Variants in ICE1 observed in about 807,000 individuals in gnomAD.
ICE1 encodes interactor of little elongation complex ELL subunit 1, also known as little elongation complex subunit 1.
In ICE1, 64 loss-of-function variants were observed where a neutral mutation model predicts 192.7. The ratio of observed to expected loss-of-function variants is 0.33; its 90% CI spans 0.27 to 0.41. The LOEUF is 0.41. Among genes scored for constraint, ICE1 ranks in the 10% least tolerant of loss-of-function variants. ICE1 has a pLI of 1.00. For missense variants in ICE1, 2,708 were observed against 2,696.0 expected (o/e 1.00, Z -0.10); for synonymous variants, 1,010 against 984.5 (o/e 1.03, Z -0.49).
chr5:5,480,061 C>T (rs886459590), intron 17 of ICE1, among the ~76,000 whole-genome samples: 6 of 152,082 alleles, frequency 3.9e-5, no homozygotes, highest in African/African-American at 1.4e-4. Flanking sequence ...CAAACCTGTA[C>T]GTTCTGCATG....
chr5:5,452,040 G>T (rs1219126772), intron 10 of ICE1, among the ~76,000 whole-genome samples: 2 of 151,894 alleles, frequency 1.3e-5, no homozygotes, highest in Non-Finnish European at 2.9e-5. Context: ...AATTCAGCAC[G>T]TAGTCCCAAT....
Position 5,483,443 on chromosome 5 carries a change from G to A in ICE1, c.6521-3278G>A, listed in dbSNP as rs1739560139. Among the ~76,000 whole-genome samples the A allele has an allele frequency of 2.6e-5, 4 of 152,212 alleles. No individual in the cohort carries two copies. In the South Asian group the frequency reaches 8.3e-4, roughly 31 times the overall value. On this transcript the variant is annotated intron_variant, in intron 17 of 18. Coordinates refer to ENST00000296564, the MANE Select transcript of ICE1 (RefSeq NM_015325.3). Reference sequence around the variant, plus strand: ...CTAACAGCAAATGGTCACAGGATTAGTACACGGGGTTTACTCCAACCTACC... The same window carrying A: ...CTAACAGCAAATGGTCACAGGATTAATACACGGGGTTTACTCCAACCTACC...
intron 10 of ICE1, among the ~76,000 whole-genome samples, chr5:5,452,289 T>C (rs1738446116): frequency 6.6e-6 from 1 of 151,488 alleles, no homozygotes; most frequent in Non-Finnish European, 1.5e-5. Flanking sequence ...ATGATACTAC[T>C]AATGTAGAGA....
chr5:5,463,813 A>G lies in ICE1; in HGVS notation c.4479A>G (p.Gln1493=). The G allele has an allele frequency of 6.2e-7, 1 of 1,614,014 alleles. No homozygotes were observed. The highest frequency in any genetic ancestry group is 8.5e-7 in the Non-Finnish European group (1 of 1,179,892). Residue 1493 remains glutamine (Q), a synonymous_variant, in exon 13 of 19, where the codon CAA becomes CAG. Transcript: ENST00000296564. The part of the protein sequence containing the change: ...APCGNNLSCP[Q]EDVSSSGQST... Reference sequence around the variant, plus strand: ...GTGGCAATAATCTTTCATGTCCCCAAGAGGATGTTTCAAGCAGTGGTCAGA... The same window carrying G: ...GTGGCAATAATCTTTCATGTCCCCAGGAGGATGTTTCAAGCAGTGGTCAGA...
At chr5:5,451,411 T>G (rs2111362165) in intron 10 of ICE1, among the ~76,000 whole-genome samples, 1 of 152,194 alleles carries the variant, frequency 6.6e-6, no homozygotes, top group East Asian at 1.9e-4. Context: ...AGCAATTGAT[T>G]TAGGACAATT....
chr5:5,432,897 G>T (rs1383397970), intron 1 of ICE1, among the ~76,000 whole-genome samples: 1 of 152,044 alleles, frequency 6.6e-6, no homozygotes. Flanking sequence ...CTTTCACACT[G>T]CAGGTCTGTC....
chr5:5,457,094 C>T (rs186004443), intron 11 of ICE1, among the ~76,000 whole-genome samples: 4 of 152,242 alleles, frequency 2.6e-5, no homozygotes, highest in East Asian at 1.9e-4. Flanking sequence ...ATCCACCCAC[C>T]GGTCCATCTC....
At chr5:5,428,340 A>G (rs1737591098) in intron 1 of ICE1, among the ~76,000 whole-genome samples, 1 of 152,162 alleles carries the variant, frequency 6.6e-6, no homozygotes, top group Non-Finnish European at 1.5e-5. Context: ...TTGATTTTAA[A>G]TAAGAGCAGT....
chr5:5,462,549 C>G lies in ICE1; in HGVS notation c.3215C>G (p.Ser1072Cys). 1.2e-6 allele frequency: 2 copies of G among 1,614,028 alleles called. No homozygotes were observed. Among genetic ancestry groups the G allele is most frequent in the Non-Finnish European group, 8.5e-7 (1 of 1,179,890 alleles). ...ECFGTTDTTF[S>C]SAFCRKHGET... is the part of the protein sequence containing the mutation. ...TTTGGCACCACAGACACTACTTTTT[C>G]TTCAGCATTTTGCAGAAAACATGGA... is the stretch of plus-strand genomic sequence containing the variant. Residue 1072 changes from serine (S) to cysteine (C), a missense_variant, in exon 13 of 19, where the codon TCT (serine) becomes TGT (cysteine). Transcript: ENST00000296564.
rs751689629 is a variant in ICE1, at chr5:5,489,405, A to G, written c.*75A>G. Reference sequence around the variant, plus strand: ...AAATAGTTTGATCAGCTTTCAGAATACAAAGGGAGGTTTCAAAACAAAAAG... The same window carrying G: ...AAATAGTTTGATCAGCTTTCAGAATGCAAAGGGAGGTTTCAAAACAAAAAG... On this transcript the variant is annotated 3_prime_UTR_variant, in exon 19 of 19. Transcript: ENST00000296564. The G allele has an allele frequency of 2.2e-5, 29 of 1,308,950 alleles. No homozygotes were observed. Among genetic ancestry groups the G allele is most frequent in the African/African-American group, 3.0e-5 (2 of 67,000 alleles). 81.1% of individuals were successfully genotyped at this position (1,308,950 alleles called of 1,614,324 possible).
Position 5,462,124 on chromosome 5 carries a change from C to T in ICE1, c.2790C>T (p.Ala930=). Residue 930 remains alanine (A), a synonymous_variant, in exon 13 of 19, where the codon GCC becomes GCT. Coordinates refer to ENST00000296564, the MANE Select transcript of ICE1 (RefSeq NM_015325.3). Reference sequence around the variant, plus strand: ...AAAGCATTTCACCAGAAGTTTCTGCCTCTAGGAGAAAATTAGATTTTAATT... The same window carrying T: ...AAAGCATTTCACCAGAAGTTTCTGCTTCTAGGAGAAAATTAGATTTTAATT... The part of the protein sequence containing the change: ...AVKSISPEVS[A]SRRKLDFNSP... 1 of 1,613,892 alleles carries T rather than the reference C, an allele frequency of 6.2e-7. No homozygotes were observed. Among genetic ancestry groups the T allele is most frequent in the Non-Finnish European group, 8.5e-7 (1 of 1,179,812 alleles).
At chr5:5,456,828 A>G (rs1294626546) in intron 11 of ICE1, among the ~76,000 whole-genome samples, 2 of 152,246 alleles carry the variant, frequency 1.3e-5, no homozygotes, top group South Asian at 2.1e-4. Flanking sequence ...CTGTTGCATT[A>G]TCATACTGAG....
chr5:5,452,163 ATTTT>A (rs952502832), intron 10 of ICE1, among the ~76,000 whole-genome samples: 2 of 133,124 alleles, frequency 1.5e-5, no homozygotes, highest in African/African-American at 2.8e-5. Flanking sequence ...TGTTTGTTCC[ATTTT>A]TTTTTTTTTT....
At chr5:5,472,950 C>T (rs2578557) in intron 15 of ICE1, among the ~76,000 whole-genome samples, 83,047 of 151,852 alleles carry the variant, frequency 0.55, 23,654 homozygotes, top group Middle Eastern at 0.74. Context: ...AAGGCTTGCA[C>T]GTGAATATTC....
chr5:5,428,882 G>A (rs955204026), intron 1 of ICE1, among the ~76,000 whole-genome samples: 28 of 152,192 alleles, frequency 1.8e-4, no homozygotes, highest in African/African-American at 6.5e-4. Context: ...CTCAGCGAAC[G>A]TTTTACTACT....
At chr5:5,478,709 T>C (rs139582344) in intron 17 of ICE1, among the ~76,000 whole-genome samples, 179 of 152,248 alleles carry the variant, frequency 1.2e-3, no homozygotes, top group African/African-American at 4.0e-3. Context: ...TAAAAGGCTA[T>C]AGAAGCCAAA....
chr5:5,422,972 A>G lies in ICE1; in HGVS notation c.57A>G (p.Arg19=), dbSNP rs1376349090. Residue 19 remains arginine, a synonymous_variant, in exon 1 of 19, where the codon CGA becomes CGG. Coordinates refer to ENST00000296564, the MANE Select transcript of ICE1 (RefSeq NM_015325.3). Reference sequence around the variant, plus strand: ...CCGGGACGGCGGCGGACCTGTCGCGATGTCAGGGCTGCGCCTCTCTGCAGC... The same window carrying G: ...CCGGGACGGCGGCGGACCTGTCGCGGTGTCAGGGCTGCGCCTCTCTGCAGC... ...AAPGTAADLS[R]CQGCASLQQN... The G allele has an allele frequency of 3.2e-5, 46 of 1,453,582 alleles. No homozygotes were observed. Among genetic ancestry groups the G allele is most frequent in the Non-Finnish European group, 3.8e-5 (42 of 1,105,300 alleles). The allele number at this position is 1,453,582 out of a possible 1,614,324, so 90.0% of individuals were successfully genotyped here.
At chr5:5,466,109 A>G (rs998902970) in intron 13 of ICE1, among the ~76,000 whole-genome samples, 3 of 152,204 alleles carry the variant, frequency 2.0e-5, no homozygotes, top group African/African-American at 7.2e-5. Context: ...TTTACCAGCC[A>G]TAGGAAACAG....
At chr5:5,450,376 A>G (rs759976708) in intron 10 of ICE1, among the ~76,000 whole-genome samples, 1 of 152,220 alleles carries the variant, frequency 6.6e-6, no homozygotes, top group Non-Finnish European at 1.5e-5. Flanking sequence ...GGTTGAGAGC[A>G]TCATACAAAG....
Sources: allele counts gnomAD v4.1 joint callset (sites outside exome capture counted in the v4.1 genomes callset), GRCh38; gene constraint gnomAD v4.1.1; transcripts MANE v1.5; gene names NCBI Gene and HGNC (gene_info 2026-07-23, HGNC 2026-07-21).